The following KHSRP variants were observed in gnomAD, a reference collection of about 807,000 sequenced individuals.
KHSRP encodes the protein far upstream element-binding protein 2.
KHSRP carries 13 observed loss-of-function variants against 94.9 expected under a neutral mutation model. The ratio of observed to expected loss-of-function variants is 0.14; its 90% CI spans 0.09 to 0.22. The LOEUF (loss-of-function observed/expected upper bound fraction) is 0.22, where lower values mean the gene tolerates loss of function less well. Among genes scored for constraint, KHSRP ranks in the 10% least tolerant of loss-of-function variants. The pLI, the probability that KHSRP is intolerant of heterozygous loss-of-function variation, is 1.00. For synonymous variants in KHSRP, 495 were observed against 401.4 expected (o/e 1.23, Z -2.79); for missense variants, 710 against 1,010.0 (o/e 0.70, Z 4.03).
chr19:6,415,361 C>A lies in KHSRP; in HGVS notation c.1966+19G>T. The A allele has an allele frequency of 6.2e-7, 1 of 1,610,020 alleles. No homozygotes were observed. The highest frequency in any genetic ancestry group is 1.1e-5 in the South Asian group (1 of 90,362). ...GTGAGGGCTGCCCCTGCCCCTGTCC[C>A]CGCATGGTGGCCACTCACCTTGCTT... On this transcript the variant is annotated intron_variant, in intron 18 of 18. Transcript: ENST00000600480.
chr19:6,415,319 C>CAGGT lies in KHSRP; in HGVS notation c.1967-22_1967-19dup, dbSNP rs779900109. ...CACTTGCGCTGTGGGTGGACAAAGGCAGGTGAGAGGCTGTGGGTGAGGGCT... is the reference window on the plus strand; with the variant it reads ...CACTTGCGCTGTGGGTGGACAAAGGCAGGTAGGTGAGAGGCTGTGGGTGAGGGCT... On this transcript the variant is annotated intron_variant, in intron 18 of 18. Coordinates refer to ENST00000600480, the MANE Select transcript of KHSRP (RefSeq NM_001366299.1). The CAGGT allele has an allele frequency of 1.2e-6, 2 of 1,613,516 alleles. No homozygotes were observed. The highest frequency in any genetic ancestry group is 1.7e-5 in the Admixed American group (1 of 60,016).
Position 6,413,862 on chromosome 19 carries a change from A to G in KHSRP, c.*1162T>C. On this transcript the variant is annotated 3_prime_UTR_variant, in exon 19 of 19. Transcript: ENST00000600480. ...TTTTGGCAGAGATTTAGATCTCGCT[A>G]TCTTCTCTGGCTGGCTCAACATGGA... 1 of 312,716 alleles carries G rather than the reference A, an allele frequency of 3.2e-6. No individual in the cohort carries two copies. Among genetic ancestry groups the G allele is most frequent in the East Asian group, 4.9e-5 (1 of 20,278 alleles). 19.4% of individuals were successfully genotyped at this position (312,716 alleles called of 1,614,324 possible). A position where few individuals can be genotyped will look rare whatever the true frequency, so the allele number is the denominator to read the frequency against.
chr19:6,424,068 C>A (rs918032353), intron 1 of KHSRP: 1 of 152,250 alleles, frequency 6.6e-6, no homozygotes, highest in Non-Finnish European at 1.5e-5. Flanking sequence ...GGGTTGGGGG[C>A]AAACACTGCC....
chr19:6,419,176 A>G, intron 7 of KHSRP, 27 bp downstream of exon 7: 1 of 1,564,814 alleles, frequency 6.4e-7, no homozygotes, highest in Non-Finnish European at 8.7e-7. Flanking sequence ...CCCCCACATC[A>G]CAATGAGAGG....
In KHSRP at chr19:6,414,666, G is replaced by C; in HGVS notation, c.*358C>G. 1 of 1,013,884 alleles carries C rather than the reference G, an allele frequency of 9.9e-7. No homozygotes were observed. Among genetic ancestry groups the C allele is most frequent in the Non-Finnish European group, 1.2e-6 (1 of 849,422 alleles). 62.8% of individuals were successfully genotyped at this position (1,013,884 alleles called of 1,614,324 possible). On this transcript the variant is annotated 3_prime_UTR_variant, in exon 19 of 19. Coordinates refer to ENST00000600480, the MANE Select transcript of KHSRP (RefSeq NM_001366299.1). ...CCTGCAACACAGTCACTTGGACACAGGAAAAAAGATCATGGGTTTAAAAAA... is the reference window on the plus strand; with the variant it reads ...CCTGCAACACAGTCACTTGGACACACGAAAAAAGATCATGGGTTTAAAAAA...
intron 4 of KHSRP, chr19:6,421,039 A>C (rs150150603): frequency 2.5e-5 from 14 of 561,416 alleles, no homozygotes; most frequent in African/African-American, 1.9e-4. Context: ...TAGGGTGCGG[A>C]GACCACCCTA....
chr19:6,421,902 C>T (rs113695431), intron 2 of KHSRP, among the ~76,000 whole-genome samples: 1 of 152,202 alleles, frequency 6.6e-6, no homozygotes, highest in Non-Finnish European at 1.5e-5. Context: ...CTTCAGAACA[C>T]GCAACCACCA....
rs1309985712 is a variant in KHSRP, at chr19:6,415,162, G to GGGC, written c.2103_2105dup (p.Pro702dup). The stretch of plus-strand genomic sequence containing the variant: ...TTGCCTGCTGCTGTCCCTGCTGCGT[G>GGGC]GGCGGCGGCTGGGGGCCGCCAGGAC... On this transcript the variant is annotated inframe_insertion, in exon 19 of 19. Transcript: ENST00000600480. 1 of 1,606,944 alleles carries GGGC rather than the reference G, an allele frequency of 6.2e-7. No individual in the cohort carries two copies. The highest frequency in any genetic ancestry group is 8.5e-7 in the Non-Finnish European group (1 of 1,179,046).
At chr19:6,417,690 AAGAG>A (rs1374479266) in intron 11 of KHSRP, 45 bp downstream of exon 11, 1 of 1,528,906 alleles carries the variant, frequency 6.5e-7, no homozygotes, top group Non-Finnish European at 9.0e-7. Context: ...CTGCCTCCCA[AAGAG>A]GGTGGGGGTG....
rs1367499717 is a variant in KHSRP at position 6,413,205 on chromosome 19, T to C, written c.*1819A>G. ...TGAAGAAAACTATTTTATATTTTTC[T>C]TAAAAAAAAAAAAACACAAAGTTTG... On this transcript the variant is annotated 3_prime_UTR_variant, in exon 19 of 19. Coordinates refer to ENST00000600480, the MANE Select transcript of KHSRP (RefSeq NM_001366299.1). 6.3e-6 allele frequency: 1 copy of C among 157,534 alleles called. No individual in the cohort carries two copies. Among genetic ancestry groups the C allele is most frequent in the Non-Finnish European group, 1.4e-5 (1 of 72,552 alleles). The allele number at this position is 157,534 out of a possible 1,614,324, so 9.8% of individuals were successfully genotyped here.
chr19:6,417,893 G>A, intron 10 of KHSRP, 52 bp from the exon 11 acceptor site: 1 of 1,603,012 alleles, frequency 6.2e-7, no homozygotes, highest in South Asian at 1.1e-5. Context: ...GCTGCCCTCT[G>A]CTGCCCACTG....
intron 6 of KHSRP, 103 bp from the exon 7 acceptor site, chr19:6,419,363 T>C (rs2145120425): frequency 2.0e-6 from 2 of 999,978 alleles, no homozygotes; most frequent in Non-Finnish European, 1.5e-6. Flanking sequence ...GCCACTTCTG[T>C]CCCATTCAGT....
rs2092188158 is a variant in KHSRP, at chr19:6,420,414, A to G, written c.475+8T>C. On this transcript the variant is annotated splice_region_variant and intron_variant, in intron 5 of 18. Transcript: ENST00000600480. ...TGGGCCTCCCCACCCAAGGTGACCC[A>G]CACTCACTCAGGCCCACCATGCCGT... The G allele has an allele frequency of 1.2e-6, 2 of 1,613,472 alleles. No individual in the cohort carries two copies. The highest frequency in any genetic ancestry group is 1.7e-6 in the Non-Finnish European group (2 of 1,179,614).
Position 6,418,798 on chromosome 19 carries a change from G to A in KHSRP, c.684C>T (p.Asn228=), listed in dbSNP as rs1348396537. 2.5e-6 allele frequency: 4 copies of A among 1,597,438 alleles called. No individual in the cohort carries two copies. Among genetic ancestry groups the A allele is most frequent in the East Asian group, 4.5e-5 (2 of 44,722 alleles). ...GPPGQFHDNA[N]GGQNGTVQEI... is the part of the protein sequence containing the mutation. ...CCTGCACGGTGCCGTTCTGGCCCCC[G>A]TTGGCGTTGTCGTGGAACTGTCCTG... The change falls in exon 8 of 19, where the codon AAC becomes AAT. Residue 228 remains asparagine (N), a synonymous_variant. Coordinates refer to ENST00000600480, the MANE Select transcript of KHSRP (RefSeq NM_001366299.1). The surrounding 1 kb of genome is among the most constrained non-coding windows in gnomAD (Gnocchi z 4.3).
At chr19:6,421,572 C>T in intron 3 of KHSRP, 78 bp downstream of exon 3, 1 of 1,493,826 alleles carries the variant, frequency 6.7e-7, no homozygotes. Flanking sequence ...GCCACCTCCT[C>T]AGTGCTTCCA....
At chr19:6,421,223 G>T in intron 4 of KHSRP, 55 bp downstream of exon 4, 1 of 1,517,258 alleles carries the variant, frequency 6.6e-7, no homozygotes. Context: ...TCAGCAGAAA[G>T]GCCAGTCTGC....
chr19:6,414,747 A>T lies in KHSRP; in HGVS notation c.*277T>A. 2 of 1,073,654 alleles carry T rather than the reference A, an allele frequency of 1.9e-6. No homozygotes were observed. Among genetic ancestry groups the T allele is most frequent in the South Asian group, 8.1e-5 (2 of 24,670 alleles). 66.5% of individuals were successfully genotyped at this position (1,073,654 alleles called of 1,614,324 possible). ...AGTGATGCAGAGAAGGGGAAAAAATAGACGTTTTCTTCCCAAGTGGCCAGA... is the reference window on the plus strand; with the variant it reads ...AGTGATGCAGAGAAGGGGAAAAAATTGACGTTTTCTTCCCAAGTGGCCAGA... On this transcript the variant is annotated 3_prime_UTR_variant, in exon 19 of 19. Transcript: ENST00000600480.
rs770374295 is a variant in KHSRP at position 6,415,741 on chromosome 19, G to C, written c.1688-7C>G. ...GCCGCTGCAGCTGCTTTGCCTGCAG[G>C]AGATACCTCGGGTGAGACGGGGGGA... On this transcript the variant is annotated splice_polypyrimidine_tract_variant and splice_region_variant and intron_variant, in intron 16 of 18. Transcript: ENST00000600480. 1 of 1,550,634 alleles carries C rather than the reference G, an allele frequency of 6.4e-7. No individual in the cohort carries two copies. Among genetic ancestry groups the C allele is most frequent in the Admixed American group, 2.0e-5 (1 of 51,020 alleles).
In KHSRP at chr19:6,418,652, T is replaced by C; in HGVS notation, c.780+50A>G. The C allele has an allele frequency of 1.2e-6, 2 of 1,613,318 alleles. No homozygotes were observed. Among genetic ancestry groups the C allele is most frequent in the South Asian group, 1.1e-5 (1 of 91,064 alleles). On this transcript the variant is annotated intron_variant, in intron 8 of 18. Transcript: ENST00000600480. The surrounding 1 kb of genome is among the most constrained non-coding windows in gnomAD (Gnocchi z 4.3). The stretch of plus-strand genomic sequence containing the variant: ...TCCTGGGCTGCTGTGGTGGTGGCGG[T>C]GGGGTGTGGCACACGGATGCAGAGG...
Sources: gnomAD v4.1 joint callset for allele counts (sites outside exome capture counted in the v4.1 genomes callset) on GRCh38, gnomAD v4.1.1 for gene constraint, Gnocchi (gnomAD v3.1) non-coding constraint, MANE v1.5 for transcripts, NCBI Gene and HGNC (gene_info 2026-07-23, HGNC 2026-07-21) for gene names.